Variants in RSRC1 observed in about 807,000 individuals in gnomAD.
RSRC1 encodes the protein serine/Arginine-related protein 53.
Under a neutral mutation model 49.1 loss-of-function variants are expected in RSRC1, and 39 were observed. That is an observed-to-expected ratio of 0.79 (90% CI 0.61 to 1.04). The LOEUF is 1.04. RSRC1 is among the 50% of genes least tolerant of loss of function. RSRC1 has a pLI of 0.00. For missense variants in RSRC1, 388 were observed against 402.4 expected (o/e 0.96, Z 0.31); for synonymous variants, 143 against 130.8 (o/e 1.09, Z -0.63).
chr3:158,496,802 G>C (rs1739344594), intron 7 of RSRC1: 1 of 231,238 alleles, frequency 4.3e-6, no homozygotes, highest in South Asian at 6.5e-5. Context: ...AAGAAACTAG[G>C]GGAAGAGATA....
intron 6 of RSRC1, among the ~76,000 whole-genome samples, chr3:158,432,104 C>G (rs958324661): frequency 6.6e-6 from 1 of 151,900 alleles, no homozygotes. Flanking sequence ...TTCCAAAGTT[C>G]TAATAATCTC....
chr3:158,452,147 T>G (rs1737078844), intron 6 of RSRC1, among the ~76,000 whole-genome samples: 1 of 152,140 alleles, frequency 6.6e-6, no homozygotes, highest in South Asian at 2.1e-4. Flanking sequence ...AATAAATATG[T>G]AAGAAACAAG....
At chr3:158,137,549 A>G (rs1190998578) in intron 3 of RSRC1, among the ~76,000 whole-genome samples, 1 of 151,988 alleles carries the variant, frequency 6.6e-6, no homozygotes, top group African/African-American at 2.4e-5. Flanking sequence ...GTAAAAATTA[A>G]TTAGTTGACC....
intron 3 of RSRC1, among the ~76,000 whole-genome samples, chr3:158,143,572 T>C (rs1185162878): frequency 6.6e-6 from 1 of 152,220 alleles, no homozygotes; most frequent in Non-Finnish European, 1.5e-5. Flanking sequence ...ACTAGGTTCA[T>C]GTCTATCAAT....
chr3:158,510,650 T>C (rs1740106652), intron 7 of RSRC1, among the ~76,000 whole-genome samples: 1 of 152,218 alleles, frequency 6.6e-6, no homozygotes, highest in African/African-American at 2.4e-5. Flanking sequence ...CTATGTGTTA[T>C]AAACAATCCA....
chr3:158,138,661 T>A (rs1419740998), intron 3 of RSRC1, among the ~76,000 whole-genome samples: 3 of 152,252 alleles, frequency 2.0e-5, no homozygotes, highest in East Asian at 3.8e-4. Context: ...TTTCTCTATA[T>A]CTTTGTTTAC....
intron 8 of RSRC1, among the ~76,000 whole-genome samples, chr3:158,538,020 CA>C (rs1445699732): frequency 6.6e-6 from 1 of 151,496 alleles, no homozygotes; most frequent in Non-Finnish European, 1.5e-5. Context: ...TACATGTTTC[CA>C]AGTCACCCTC....
intron 5 of RSRC1, among the ~76,000 whole-genome samples, chr3:158,305,693 A>G (rs1211301750): frequency 6.6e-6 from 1 of 152,088 alleles, no homozygotes; most frequent in Non-Finnish European, 1.5e-5. Context: ...CCTTTGCCAC[A>G]GTGCTATCTT....
chr3:158,336,613 T>C (rs1729906701), intron 5 of RSRC1: 1 of 152,204 alleles, frequency 6.6e-6, no homozygotes, highest in African/African-American at 2.4e-5. Context: ...ATCCATCTTA[T>C]TTGGTGAGAA....
chr3:158,404,590 T>C (rs1004675845), intron 6 of RSRC1, among the ~76,000 whole-genome samples: 1 of 151,954 alleles, frequency 6.6e-6, no homozygotes, highest in Admixed American at 6.6e-5. Flanking sequence ...GCTTGTCTAG[T>C]AAATTTACTG....
At chr3:158,156,815 A>T (rs943026343) in intron 3 of RSRC1, among the ~76,000 whole-genome samples, 1 of 152,188 alleles carries the variant, frequency 6.6e-6, no homozygotes, top group African/African-American at 2.4e-5. Context: ...TAGAGTAGTA[A>T]CACTGGGAAT....
intron 4 of RSRC1, among the ~76,000 whole-genome samples, chr3:158,292,303 A>T (rs140854285): frequency 2.8e-3 from 434 of 152,326 alleles, no homozygotes; most frequent in African/African-American, 0.01. Context: ...CTAATGCAGA[A>T]CATCAATCAT....
At chr3:158,214,784 A>G (rs1458101165) in intron 4 of RSRC1, among the ~76,000 whole-genome samples, 1 of 151,810 alleles carries the variant, frequency 6.6e-6, no homozygotes, top group Non-Finnish European at 1.5e-5. Context: ...TGACCAAAAA[A>G]CATACTTTGT....
chr3:158,544,792 A>G lies in RSRC1; in HGVS notation c.*517A>G, dbSNP rs907694046. Reference sequence around the variant, plus strand: ...TTAAAGAACATATTTATGGAAAAAAAATTTTTGAAACTTAAATAAATTGGT... The same window carrying G: ...TTAAAGAACATATTTATGGAAAAAAGATTTTTGAAACTTAAATAAATTGGT... On this transcript the variant is annotated 3_prime_UTR_variant, in exon 10 of 10. Transcript: ENST00000611884. The G allele has an allele frequency of 6.6e-6, 1 of 152,248 alleles. No individual in the cohort carries two copies. Among genetic ancestry groups the G allele is most frequent in the African/African-American group, 2.4e-5 (1 of 41,466 alleles). The allele number at this position is 152,248 out of a possible 1,614,324, so 9.4% of individuals were successfully genotyped here. A position where few individuals can be genotyped will look rare whatever the true frequency, so the allele number is the denominator to read the frequency against.
intron 6 of RSRC1, among the ~76,000 whole-genome samples, chr3:158,408,084 CAG>C (rs1048286169): frequency 5.9e-5 from 9 of 152,128 alleles, no homozygotes; most frequent in African/African-American, 2.2e-4. Flanking sequence ...TGGGGTTGGT[CAG>C]GGAATGATAT....
intron 3 of RSRC1, among the ~76,000 whole-genome samples, chr3:158,152,970 TA>T (rs1285670052): frequency 4.6e-5 from 7 of 152,210 alleles, no homozygotes; most frequent in Non-Finnish European, 8.8e-5. Context: ...ATAATAAATG[TA>T]AAGATGCCTA....
intron 4 of RSRC1, among the ~76,000 whole-genome samples, chr3:158,236,406 A>G (rs1002232024): frequency 2.0e-5 from 3 of 152,216 alleles, no homozygotes; most frequent in African/African-American, 7.2e-5. Flanking sequence ...CAGTTTTAAC[A>G]TTCATTCGTG....
At chr3:158,477,460 G>A (rs145594611) in intron 7 of RSRC1, among the ~76,000 whole-genome samples, 136 of 152,164 alleles carry the variant, frequency 8.9e-4, no homozygotes, top group Admixed American at 3.2e-3. Flanking sequence ...TCACCACTGA[G>A]GCAAGACCCT....
intron 4 of RSRC1, among the ~76,000 whole-genome samples, chr3:158,253,483 G>A (rs541596525): frequency 6.6e-6 from 1 of 151,902 alleles, no homozygotes; most frequent in Non-Finnish European, 1.5e-5. Flanking sequence ...TTGTTTTATG[G>A]CTTCATATAT....
Sources: allele counts gnomAD v4.1 joint callset (sites outside exome capture counted in the v4.1 genomes callset), GRCh38; gene constraint gnomAD v4.1.1; transcripts MANE v1.5; gene names NCBI Gene and HGNC (gene_info 2026-07-23, HGNC 2026-07-21).